Variants in TTLL11 observed in about 807,000 individuals in gnomAD.
TTLL11 encodes the protein tubulin polyglutamylase TTLL11.
A neutral mutation model predicts 51.7 loss-of-function variants in TTLL11; 42 were observed. The observed-to-expected ratio is 0.81, with a 90% CI of 0.64 to 1.05. The LOEUF (loss-of-function observed/expected upper bound fraction) is 1.05, where lower values mean the gene tolerates loss of function less well. TTLL11 is among the 50% of genes least tolerant of loss of function. The pLI is 0.00. For synonymous variants in TTLL11, 381 were observed against 383.5 expected, an observed-to-expected ratio of 0.99 and a Z score of 0.08; for missense variants, 799 against 940.4, an observed-to-expected ratio of 0.85 and a Z score of 1.97.
intron 1 of TTLL11, among the ~76,000 whole-genome samples, chr9:122,064,959 G>A (rs1845538864): frequency 3.3e-5 from 5 of 152,264 alleles, no homozygotes; most frequent in African/African-American, 1.2e-4. Flanking sequence ...TCCCTCCACT[G>A]TAAGATAATG....
intron 6 of TTLL11, among the ~76,000 whole-genome samples, chr9:121,942,552 C>T (rs1841516508): frequency 6.6e-6 from 1 of 151,540 alleles, no homozygotes; most frequent in African/African-American, 2.4e-5. Context: ...TTGCTCAATA[C>T]ATGTTTGTAG....
chr9:121,839,639 G>C (rs1226016123), intron 8 of TTLL11, among the ~76,000 whole-genome samples: 1 of 152,232 alleles, frequency 6.6e-6, no homozygotes, highest in Non-Finnish European at 1.5e-5. Flanking sequence ...GAGGGCTGCG[G>C]CTCAGAATTC....
chr9:121,997,750 C>A (rs1165161836), intron 3 of TTLL11, among the ~76,000 whole-genome samples: 2 of 152,160 alleles, frequency 1.3e-5, no homozygotes, highest in African/African-American at 2.4e-5. Flanking sequence ...TGATCAGATT[C>A]CCAGGTGAGG....
At chr9:121,926,328 C>T (rs1052632813) in intron 6 of TTLL11, among the ~76,000 whole-genome samples, 1 of 152,260 alleles carries the variant, frequency 6.6e-6, no homozygotes, top group Non-Finnish European at 1.5e-5. Flanking sequence ...GTTATCCACA[C>T]GCTCTCCCTC....
At chr9:121,846,993 G>C (rs1055321524) in intron 8 of TTLL11, among the ~76,000 whole-genome samples, 1 of 152,106 alleles carries the variant, frequency 6.6e-6, no homozygotes, top group Non-Finnish European at 1.5e-5. Flanking sequence ...GGCGGATCAC[G>C]AGGTCAAGAG....
intron 1 of TTLL11, among the ~76,000 whole-genome samples, chr9:122,060,792 G>A (rs1458337333): frequency 6.6e-6 from 1 of 152,204 alleles, no homozygotes; most frequent in African/African-American, 2.4e-5. Flanking sequence ...TTTCAACTAT[G>A]CTGTGGGAGA....
chr9:122,014,185 C>T (rs986705495), intron 3 of TTLL11, among the ~76,000 whole-genome samples: 1 of 151,880 alleles, frequency 6.6e-6, no homozygotes, highest in Non-Finnish European at 1.5e-5. Context: ...GCCAACATAG[C>T]AAAACCCTGT....
chr9:122,006,177 C>T (rs1843636703), intron 3 of TTLL11, among the ~76,000 whole-genome samples: 1 of 151,934 alleles, frequency 6.6e-6, no homozygotes, highest in African/African-American at 2.4e-5. Flanking sequence ...CCTGTCTCTA[C>T]TAAAAATACA....
chr9:121,868,309 GCCTA>G (rs1838243180), intron 7 of TTLL11, among the ~76,000 whole-genome samples: 2 of 152,124 alleles, frequency 1.3e-5, no homozygotes, highest in Admixed American at 1.3e-4. Flanking sequence ...GGCAGAGCCT[GCCTA>G]CCTATCTGTT....
At chr9:121,977,131 T>C (rs185205125) in intron 4 of TTLL11, among the ~76,000 whole-genome samples, 1 of 152,136 alleles carries the variant, frequency 6.6e-6, no homozygotes, top group Non-Finnish European at 1.5e-5. Context: ...GCAGGGGTGT[T>C]AAAGCCTCAT....
chr9:121,929,654 T>G (rs1207067282), intron 6 of TTLL11, among the ~76,000 whole-genome samples: 1 of 152,220 alleles, frequency 6.6e-6, no homozygotes. Flanking sequence ...GCAGGGGTCT[T>G]GTGCTGAGTG....
chr9:121,993,132 G>A (rs1229017761), intron 3 of TTLL11, among the ~76,000 whole-genome samples: 3 of 152,082 alleles, frequency 2.0e-5, no homozygotes, highest in Non-Finnish European at 2.9e-5. Flanking sequence ...GGGGTGGGAG[G>A]GAATGGAGAA....
chr9:121,979,925 C>T (rs1264843543), intron 4 of TTLL11, among the ~76,000 whole-genome samples: 3 of 151,812 alleles, frequency 2.0e-5, no homozygotes, highest in Non-Finnish European at 4.4e-5. Context: ...TTAGTGCTCT[C>T]TGCCTTCATA....
chr9:121,925,162 C>T (rs946795094), intron 6 of TTLL11, among the ~76,000 whole-genome samples: 2 of 152,164 alleles, frequency 1.3e-5, no homozygotes, highest in African/African-American at 2.4e-5. Context: ...AATCTTCTAC[C>T]ATGATATTTC....
At chr9:121,864,320 T>C (rs1479335638) in intron 7 of TTLL11, among the ~76,000 whole-genome samples, 1 of 152,160 alleles carries the variant, frequency 6.6e-6, no homozygotes, top group African/African-American at 2.4e-5. Flanking sequence ...AGAACAGTTT[T>C]CCCTTATGCC....
chr9:121,938,284 G>A (rs961778113), intron 6 of TTLL11, among the ~76,000 whole-genome samples: 1 of 108,298 alleles, frequency 9.2e-6, no homozygotes, highest in African/African-American at 3.9e-5. Context: ...GTGAGACGCT[G>A]TCTCAAAAAG....
At chr9:121,889,742 A>C (rs1374822172) in intron 6 of TTLL11, among the ~76,000 whole-genome samples, 1 of 152,226 alleles carries the variant, frequency 6.6e-6, no homozygotes, top group Non-Finnish European at 1.5e-5. Context: ...TCTACTAAAA[A>C]TACAAAAATC....
intron 3 of TTLL11, among the ~76,000 whole-genome samples, chr9:122,027,609 C>T (rs976985214): frequency 4.6e-5 from 7 of 152,186 alleles, no homozygotes; most frequent in African/African-American, 1.7e-4. Flanking sequence ...ATTTGGGGTG[C>T]TCTCTCTGTC....
At chr9:121,990,888 G>A (rs1444418693) in intron 3 of TTLL11, among the ~76,000 whole-genome samples, 4 of 152,150 alleles carry the variant, frequency 2.6e-5, no homozygotes, top group Non-Finnish European at 5.9e-5. Flanking sequence ...CTGGACCTGT[G>A]GGTCTGCATA....
Sources: gnomAD v4.1 joint callset for allele counts (sites outside exome capture counted in the v4.1 genomes callset) on GRCh38, gnomAD v4.1.1 for gene constraint, MANE v1.5 for transcripts, NCBI Gene and HGNC (gene_info 2026-07-23, HGNC 2026-07-21) for gene names.